The following RNF32 variants were observed in gnomAD, a reference collection of about 807,000 sequenced individuals.
The protein encoded by RNF32 is ring finger protein 32.
RNF32 carries 36 observed loss-of-function variants against 41.0 expected under a neutral mutation model. That is an observed-to-expected ratio of 0.88 (90% CI 0.67 to 1.16). The LOEUF (loss-of-function observed/expected upper bound fraction) is 1.16. RNF32 is among the 50% of genes most tolerant of loss of function. The pLI, the probability that RNF32 is intolerant of heterozygous loss-of-function variation, is 0.00. For synonymous variants in RNF32, 154 were observed against 160.9 expected (o/e 0.96, Z 0.32); for missense variants, 413 against 436.7 (o/e 0.95, Z 0.48).
rs552054041 is a variant in RNF32 at position 156,676,966 on chromosome 7, AAAGT to A, written c.*316_*319del. 384 of 272,684 alleles carry A rather than the reference AAAGT, an allele frequency of 1.4e-3. 1 individual carries two copies. Among genetic ancestry groups the A allele is most frequent in the Non-Finnish European group, 2.4e-3 (334 of 142,114 alleles). The allele number at this position is 272,684 out of a possible 1,614,324, so 16.9% of individuals were successfully genotyped here. ...AGCTAGTGTCTGAACGACACTCCTT[AAAGT>A]AAGTTCCAAATGTAAAACACTCCTT... On this transcript the variant is annotated 3_prime_UTR_variant, in exon 9 of 9. Transcript: ENST00000317955.
chr7:156,651,686 A>G, intron 3 of RNF32, among the ~76,000 whole-genome samples: 1 of 152,242 alleles, frequency 6.6e-6, no homozygotes, highest in African/African-American at 2.4e-5. Flanking sequence ...CTTCACTCAC[A>G]GCTGAGCAAT....
At chr7:156,671,633 G>A (rs1011973269) in intron 7 of RNF32, among the ~76,000 whole-genome samples, 14 of 151,000 alleles carry the variant, frequency 9.3e-5, no homozygotes, top group African/African-American at 3.1e-4. Flanking sequence ...TTGTCACTGG[G>A]TGTACTGCAG....
intron 5 of RNF32, 41 bp downstream of exon 5, chr7:156,657,614 C>T (rs763391028): frequency 5.0e-6 from 8 of 1,593,522 alleles, no homozygotes; most frequent in African/African-American, 1.3e-5. Context: ...CTGCACATGT[C>T]GCTCTCACAG....
Position 156,644,481 on chromosome 7 carries a change from T to G in RNF32, c.16-18T>G, listed in dbSNP as rs1797740936. Reference sequence around the variant, plus strand: ...TACATAATACTCCTCTAAATATGACTTTTTTCCTACTTTTTAGGGTCACTC... The same window carrying G: ...TACATAATACTCCTCTAAATATGACGTTTTTCCTACTTTTTAGGGTCACTC... On this transcript the variant is annotated intron_variant, in intron 2 of 8. Coordinates refer to ENST00000317955, the MANE Select transcript of RNF32 (RefSeq NM_030936.4). 1 of 1,594,830 alleles carries G rather than the reference T, an allele frequency of 6.3e-7. No homozygotes were observed. Among genetic ancestry groups the G allele is most frequent in the South Asian group, 1.1e-5 (1 of 89,644 alleles).
intron 7 of RNF32, among the ~76,000 whole-genome samples, chr7:156,675,139 C>T (rs1398134994): frequency 6.6e-6 from 1 of 152,080 alleles, no homozygotes; most frequent in African/African-American, 2.4e-5. Context: ...AGCGGCGACC[C>T]GAAGGGGCAG....
chr7:156,642,614 C>T (rs1254579509), intron 1 of RNF32, among the ~76,000 whole-genome samples: 2 of 152,220 alleles, frequency 1.3e-5, no homozygotes, highest in African/African-American at 4.8e-5. Flanking sequence ...TTCCAACCTG[C>T]TTATTCCAGT....
intron 7 of RNF32, chr7:156,659,639 A>G (rs1433953239): frequency 2.2e-6 from 2 of 921,994 alleles, no homozygotes; most frequent in Non-Finnish European, 2.6e-6. Context: ...AATATTTTTC[A>G]TGTGCACACA....
chr7:156,658,448 T>C lies in RNF32; in HGVS notation c.576-14T>C, dbSNP rs755740162. 1.9e-6 allele frequency: 3 copies of C among 1,597,068 alleles called. No individual in the cohort carries two copies. Among genetic ancestry groups the C allele is most frequent in the Admixed American group, 1.7e-5 (1 of 59,858 alleles). ...TCATCATAAATTAGTCATTTTCAAATATCTGTGTTTTAGAATCCAAGCCTA... is the reference window on the plus strand; with the variant it reads ...TCATCATAAATTAGTCATTTTCAAACATCTGTGTTTTAGAATCCAAGCCTA... On this transcript the variant is annotated splice_polypyrimidine_tract_variant and intron_variant, in intron 6 of 8. Transcript: ENST00000317955.
intron 7 of RNF32, among the ~76,000 whole-genome samples, chr7:156,661,321 G>A (rs1238783824): frequency 1.6e-5 from 2 of 125,714 alleles, no homozygotes; most frequent in Non-Finnish European, 3.2e-5. Context: ...GGGGCCTTAG[G>A]ATTTTTTTTT....
upstream of RNF32, chr7:156,640,722 C>A: frequency 3.6e-6 from 1 of 276,542 alleles, no homozygotes; most frequent in Non-Finnish European, 7.1e-6. Context: ...CGGAGGCGGG[C>A]GTTGCTACGG....
intron 7 of RNF32, among the ~76,000 whole-genome samples, chr7:156,673,783 G>A (rs1414148989): frequency 6.6e-6 from 1 of 152,076 alleles, no homozygotes; most frequent in Non-Finnish European, 1.5e-5. Flanking sequence ...TCGACCCTGC[G>A]CTGTCTCACG....
chr7:156,665,909 G>A (rs150124854), intron 7 of RNF32, among the ~76,000 whole-genome samples: 164 of 152,306 alleles, frequency 1.1e-3, no homozygotes, highest in African/African-American at 3.8e-3. Flanking sequence ...AAAGAAAAAA[G>A]TACCTGACCG....
At chr7:156,663,786 A>G (rs944765208) in intron 7 of RNF32, among the ~76,000 whole-genome samples, 1 of 152,234 alleles carries the variant, frequency 6.6e-6, no homozygotes. Flanking sequence ...TTAGTGTACT[A>G]AAGAAGGTAT....
intron 3 of RNF32, among the ~76,000 whole-genome samples, chr7:156,653,220 A>T (rs116154300): frequency 0.019 from 2,850 of 152,262 alleles, 89 homozygotes; most frequent in African/African-American, 0.066. Context: ...CATGTTTGGA[A>T]GCACAGATCC....
At position 156,654,618 on chromosome 7, in the gene RNF32, C is replaced by T; in HGVS notation, c.317C>T (p.Ser106Leu). The T allele has an allele frequency of 6.2e-7, 1 of 1,614,106 alleles. No individual in the cohort carries two copies. Among genetic ancestry groups the T allele is most frequent in the Non-Finnish European group, 8.5e-7 (1 of 1,179,916 alleles). Residue 106 changes from serine (S) to leucine (L), a missense_variant, in exon 4 of 9, where the codon TCA becomes TTA. By Grantham distance (145) the Ser-to-Leu change is moderately radical. Coordinates refer to ENST00000317955, the MANE Select transcript of RNF32 (RefSeq NM_030936.4). ...ATTGGGCCTCCACCACCTCCACTGTCATCAGATGAATGGGAGAAGGTGAAA... is the reference window on the plus strand; with the variant it reads ...ATTGGGCCTCCACCACCTCCACTGTTATCAGATGAATGGGAGAAGGTGAAA... ...GLIGPPPPPL[S>L]SDEWEKVKQR...
In RNF32 at chr7:156,677,044, T is replaced by G. The variant is rs1222928141; in HGVS notation, c.*389T>G. On this transcript the variant is annotated 3_prime_UTR_variant, in exon 9 of 9. Coordinates refer to ENST00000317955, the MANE Select transcript of RNF32 (RefSeq NM_030936.4). Reference sequence around the variant, plus strand: ...TAGTCTGTCCTAAAGCCTTTGCCATTCCTAATACTCGTTTTGTAATAATTG... The same window carrying G: ...TAGTCTGTCCTAAAGCCTTTGCCATGCCTAATACTCGTTTTGTAATAATTG... 6.0e-6 allele frequency: 1 copy of G among 166,594 alleles called. No individual in the cohort carries two copies. Among genetic ancestry groups the G allele is most frequent in the Non-Finnish European group, 1.3e-5 (1 of 76,388 alleles). The allele number at this position is 166,594 out of a possible 1,614,324, so 10.3% of individuals were successfully genotyped here.
chr7:156,651,215 CTT>C (rs201556848), intron 3 of RNF32, among the ~76,000 whole-genome samples: 120 of 138,590 alleles, frequency 8.7e-4, no homozygotes, highest in African/African-American at 1.9e-3. Context: ...TTTAATATTT[CTT>C]TTTTTTTTTT....
At chr7:156,644,464 A>T in intron 2 of RNF32, 35 bp from the exon 3 acceptor site, 5 of 1,519,496 alleles carry the variant, frequency 3.3e-6, no homozygotes, top group Non-Finnish European at 4.5e-6. Context: ...ATTACATAAT[A>T]CTCCTCTAAA....
intron 1 of RNF32, 115 bp downstream of exon 1, chr7:156,640,926 GGCCGGCGATGGCCGCAGCTGT>G (rs1227827972): frequency 1.3e-4 from 24 of 186,700 alleles, no homozygotes; most frequent in Non-Finnish European, 5.6e-5. Context: ...CTCCGAGCCG[GGCCGGCGATGGCCGCAGCTGT>G]GAGGCGAGGT....
Sources: allele counts gnomAD v4.1 joint callset (sites outside exome capture counted in the v4.1 genomes callset), GRCh38; gene constraint gnomAD v4.1.1; transcripts MANE v1.5; gene names NCBI Gene and HGNC (gene_info 2026-07-23, HGNC 2026-07-21).